MAML3: variants seen among roughly 807,000 people sequenced by gnomAD.
The protein encoded by MAML3 is mastermind-like protein 3.
MAML3 carries 27 observed loss-of-function variants against 101.9 expected under a neutral mutation model. The observed-to-expected ratio is 0.27, with a 90% CI of 0.20 to 0.37. The LOEUF is 0.37. Ranked by LOEUF, MAML3 falls within the 10% of genes least tolerant of loss-of-function variation. The pLI is 1.00. For missense variants in MAML3, 1,316 were observed against 1,444.9 expected (o/e 0.91, Z 1.45); for synonymous variants, 501 against 555.9 (o/e 0.90, Z 1.39).
chr4:139,779,023 T>C (rs1481200842), intron 2 of MAML3, among the ~76,000 whole-genome samples: 1 of 151,400 alleles, frequency 6.6e-6, no homozygotes, highest in Non-Finnish European at 1.5e-5. Context: ...CTGTGAGCTA[T>C]TCTAAATCTG....
intron 2 of MAML3, among the ~76,000 whole-genome samples, chr4:139,829,339 C>T (rs760028247): frequency 1.3e-4 from 20 of 152,072 alleles, no homozygotes; most frequent in Non-Finnish European, 2.4e-4. Context: ...GGACTGAGGA[C>T]TAGTAGAAGT....
chr4:139,720,374 T>C, intron 4 of MAML3, 51 bp from the exon 5 acceptor site: 1 of 1,462,682 alleles, frequency 6.8e-7, no homozygotes, highest in Non-Finnish European at 9.1e-7. Context: ...ATAAGCAATA[T>C]ACTGCAACAA....
At chr4:139,865,202 CTTTA>C (rs1352326204) in intron 2 of MAML3, among the ~76,000 whole-genome samples, 4 of 152,088 alleles carry the variant, frequency 2.6e-5, no homozygotes, top group Non-Finnish European at 4.4e-5. Flanking sequence ...AAATACTTCA[CTTTA>C]TTTGTCTAAA....
intron 2 of MAML3, among the ~76,000 whole-genome samples, chr4:139,745,619 C>T (rs1460831991): frequency 6.6e-6 from 1 of 152,218 alleles, no homozygotes; most frequent in Admixed American, 6.5e-5. Flanking sequence ...TTTCTCTTCT[C>T]TATTATTGTG....
chr4:139,789,614 G>C (rs953771528), intron 2 of MAML3, among the ~76,000 whole-genome samples: 1 of 152,120 alleles, frequency 6.6e-6, no homozygotes, highest in African/African-American at 2.4e-5. Context: ...CATGTAAGCA[G>C]TTTTAAAAAT....
intron 1 of MAML3, among the ~76,000 whole-genome samples, chr4:139,897,156 A>C (rs1310054877): frequency 1.3e-5 from 2 of 152,196 alleles, no homozygotes; most frequent in Non-Finnish European, 2.9e-5. Context: ...TTAATAATGA[A>C]GATTCTAAGA....
intron 1 of MAML3, among the ~76,000 whole-genome samples, chr4:140,010,403 T>A (rs1031056682): frequency 6.6e-6 from 1 of 152,224 alleles, no homozygotes; most frequent in Admixed American, 6.5e-5. Context: ...AATGTCAGCG[T>A]TCATTGAAAG....
intron 2 of MAML3, among the ~76,000 whole-genome samples, chr4:139,838,728 G>C (rs1731305093): frequency 6.6e-6 from 1 of 152,058 alleles, no homozygotes; most frequent in African/African-American, 2.4e-5. Flanking sequence ...ACAAGATACT[G>C]TTCTGCATGT....
intron 1 of MAML3, among the ~76,000 whole-genome samples, chr4:139,911,243 A>G (rs934418780): frequency 6.8e-6 from 1 of 147,238 alleles, no homozygotes; most frequent in African/African-American, 2.6e-5. Flanking sequence ...TTTGCGATGG[A>G]GTCTTGCTCT....
chr4:140,092,590 C>T (rs1022266029), intron 1 of MAML3, among the ~76,000 whole-genome samples: 3 of 152,168 alleles, frequency 2.0e-5, no homozygotes, highest in African/African-American at 7.2e-5. Flanking sequence ...ACTCACTCAT[C>T]GTGGTTTATC....
intron 2 of MAML3, among the ~76,000 whole-genome samples, chr4:139,846,158 A>G (rs538382226): frequency 1.9e-4 from 29 of 152,314 alleles, no homozygotes; most frequent in Admixed American, 1.0e-3. Context: ...TCCTACCTAC[A>G]GATTGCCAGA....
At chr4:140,130,730 TA>T (rs1484175345) in intron 1 of MAML3, among the ~76,000 whole-genome samples, 14 of 152,188 alleles carry the variant, frequency 9.2e-5, no homozygotes, top group Non-Finnish European at 1.8e-4. Context: ...TACAAGATGC[TA>T]GCCCTGAAAT....
chr4:139,736,150 G>A (rs974337525), intron 2 of MAML3, among the ~76,000 whole-genome samples: 2 of 152,068 alleles, frequency 1.3e-5, no homozygotes, highest in Non-Finnish European at 2.9e-5. Flanking sequence ...ACTCTGAATT[G>A]GGTCAAGTAA....
intron 1 of MAML3, among the ~76,000 whole-genome samples, chr4:139,966,361 C>T (rs2110783187): frequency 6.6e-6 from 1 of 152,232 alleles, no homozygotes; most frequent in Non-Finnish European, 1.5e-5. Context: ...GAACACGGCA[C>T]AGTACACCCC....
intron 1 of MAML3, among the ~76,000 whole-genome samples, chr4:139,925,500 GATTA>G (rs755547483): frequency 0.33 from 49,939 of 152,072 alleles, 9,360 homozygotes; most frequent in East Asian, 0.63. Flanking sequence ...AAAGTGCTGG[GATTA>G]CAGGCATGAG....
intron 2 of MAML3, among the ~76,000 whole-genome samples, chr4:139,870,261 A>G (rs1417592418): frequency 6.6e-6 from 1 of 152,140 alleles, no homozygotes; most frequent in Non-Finnish European, 1.5e-5. Flanking sequence ...CTTACCCACT[A>G]GGTGCCAGTA....
At chr4:140,094,262 G>A (rs1728112132) in intron 1 of MAML3, among the ~76,000 whole-genome samples, 1 of 152,196 alleles carries the variant, frequency 6.6e-6, no homozygotes, top group Non-Finnish European at 1.5e-5. Flanking sequence ...AGCTGGTGAG[G>A]TGCCAAAGTA....
At chr4:139,833,615 G>C (rs895794919) in intron 2 of MAML3, among the ~76,000 whole-genome samples, 5 of 152,100 alleles carry the variant, frequency 3.3e-5, no homozygotes, top group Non-Finnish European at 1.5e-5. Flanking sequence ...ACAGTGCTTC[G>C]ACTCTGAGTT....
intron 2 of MAML3, among the ~76,000 whole-genome samples, chr4:139,864,940 T>TG (rs1560818223): frequency 7.6e-5 from 11 of 144,326 alleles, no homozygotes; most frequent in Admixed American, 6.9e-4. Flanking sequence ...TTTTTTTTTT[T>TG]TTTTTTTTTT....
Sources: allele counts gnomAD v4.1 joint callset (sites outside exome capture counted in the v4.1 genomes callset), GRCh38; gene constraint gnomAD v4.1.1; transcripts MANE v1.5; gene names NCBI Gene and HGNC (gene_info 2026-07-23, HGNC 2026-07-21).